HMCN1: variants seen among roughly 807,000 people sequenced by gnomAD.
HMCN1 encodes the protein hemicentin-1.
HMCN1 carries 321 observed loss-of-function variants against 625.9 expected under a neutral mutation model. The ratio of observed to expected loss-of-function variants is 0.51; its 90% CI spans 0.47 to 0.56. The LOEUF (loss-of-function observed/expected upper bound fraction) is 0.56. Among genes scored for constraint, HMCN1 ranks in the 20% least tolerant of loss-of-function variants. The pLI, the probability that HMCN1 is intolerant of heterozygous loss-of-function variation, is 0.00. For synonymous variants in HMCN1, 2,425 were observed against 2,417.6 expected (o/e 1.00, Z -0.09); for missense variants, 6,588 against 6,887.3 (o/e 0.96, Z 1.54).
chr1:185,933,921 T>A, intron 11 of HMCN1, 97 bp downstream of exon 11: 124 of 862,388 alleles, frequency 1.4e-4, no homozygotes, highest in Middle Eastern at 2.2e-4. Flanking sequence ...AGTGAGAGTA[T>A]CTACCCAAAT....
At chr1:185,870,565 T>A (rs1663548445) in intron 4 of HMCN1, among the ~76,000 whole-genome samples, 1 of 152,178 alleles carries the variant, frequency 6.6e-6, no homozygotes, top group Non-Finnish European at 1.5e-5. Context: ...TTTTATTTTT[T>A]AAATTTTTGT....
intron 4 of HMCN1, among the ~76,000 whole-genome samples, chr1:185,876,691 G>A (rs749860948): frequency 6.6e-6 from 1 of 151,760 alleles, no homozygotes; most frequent in Non-Finnish European, 1.5e-5. Context: ...TCATATGTTT[G>A]TTGGCCATTT....
Position 186,103,478 on chromosome 1 carries a change from C to T in HMCN1, c.10580C>T (p.Pro3527Leu), listed in dbSNP as rs1251090371. ...KHFILKVLEP[P>L]HINGSEEHEE... ...TTTGATTCCCTTTAAATAGAACCACCTCACATTAATGGATCTGAAGAACAT... is the reference window on the plus strand; with the variant it reads ...TTTGATTCCCTTTAAATAGAACCACTTCACATTAATGGATCTGAAGAACAT... The change falls in exon 69 of 107, where the codon CCT becomes CTT. Residue 3527 changes from proline to leucine, a missense_variant. This residue lies in a region of HMCN1 where 4,628 missense variants were observed against 4,853.1 expected (regional missense o/e 0.95). Transcript: ENST00000271588. 2 of 1,611,632 alleles carry T rather than the reference C, an allele frequency of 1.2e-6. No individual in the cohort carries two copies. Among genetic ancestry groups the T allele is most frequent in the African/African-American group, 2.7e-5 (2 of 74,800 alleles).
chr1:185,799,582 A>G (rs1281267820), intron 1 of HMCN1, among the ~76,000 whole-genome samples: 1 of 152,124 alleles, frequency 6.6e-6, no homozygotes, highest in Non-Finnish European at 1.5e-5. Flanking sequence ...TTGGTGTGGT[A>G]GCTTTCTAGC....
intron 2 of HMCN1, among the ~76,000 whole-genome samples, chr1:185,861,949 T>C (rs921024635): frequency 6.6e-5 from 10 of 152,312 alleles, no homozygotes; most frequent in East Asian, 3.9e-4. Flanking sequence ...TCAGTGAGCT[T>C]ATACAATAAT....
At chr1:186,012,798 A>G (rs1654089205) in intron 30 of HMCN1, among the ~76,000 whole-genome samples, 1 of 152,118 alleles carries the variant, frequency 6.6e-6, no homozygotes, top group Non-Finnish European at 1.5e-5. Context: ...TATGTTTTCT[A>G]ATTTTTCAAA....
At chr1:185,743,799 C>T (rs1654158745) in intron 1 of HMCN1, among the ~76,000 whole-genome samples, 1 of 152,120 alleles carries the variant, frequency 6.6e-6, no homozygotes, top group Non-Finnish European at 1.5e-5. Flanking sequence ...TTAAATAAAA[C>T]ATTATATGTG....
chr1:185,955,986 C>A (rs1216411072), intron 11 of HMCN1, among the ~76,000 whole-genome samples: 2 of 152,140 alleles, frequency 1.3e-5, no homozygotes, highest in South Asian at 4.1e-4. Flanking sequence ...TCATAAACCA[C>A]TGCCTTTCTG....
At chr1:186,088,551 A>G in intron 62 of HMCN1, 55 bp from the exon 63 acceptor site, 1 of 1,563,058 alleles carries the variant, frequency 6.4e-7, no homozygotes, top group Non-Finnish European at 8.7e-7. Flanking sequence ...AATTTTAGAG[A>G]TGTTAAAGTT....
chr1:186,134,680 AT>A (rs1649487230), intron 86 of HMCN1, among the ~76,000 whole-genome samples: 1 of 152,182 alleles, frequency 6.6e-6, no homozygotes, highest in East Asian at 1.9e-4. Context: ...AACAAAACAC[AT>A]TTTTGTTCTA....
In HMCN1 at chr1:185,734,753, G is replaced by C; in HGVS notation, c.-27G>C. 5.6e-6 allele frequency: 9 copies of C among 1,612,998 alleles called. No homozygotes were observed. The highest frequency in any genetic ancestry group is 7.6e-6 in the Non-Finnish European group (9 of 1,179,346). ...TGAGCACAGTGCTTAGGCGCTGAGG[G>C]GGAAAAAGAGGGGGAAAAAAAAGAA... On this transcript the variant is annotated 5_prime_UTR_variant, in exon 1 of 107. Transcript: ENST00000271588.
At chr1:185,846,551 GAGA>G (rs755777812) in intron 2 of HMCN1, among the ~76,000 whole-genome samples, 1 of 152,200 alleles carries the variant, frequency 6.6e-6, no homozygotes, top group Non-Finnish European at 1.5e-5. Context: ...TTGGTTATTA[GAGA>G]AGATGAATCA....
At chr1:186,161,194 T>G (rs1371799546) in intron 97 of HMCN1, among the ~76,000 whole-genome samples, 2 of 150,100 alleles carry the variant, frequency 1.3e-5, no homozygotes, top group African/African-American at 4.9e-5. Context: ...TTGTCTCTTT[T>G]GATCTTTGTT....
intron 1 of HMCN1, among the ~76,000 whole-genome samples, chr1:185,813,055 A>G (rs1441069435): frequency 6.6e-6 from 1 of 152,150 alleles, no homozygotes; most frequent in Non-Finnish European, 1.5e-5. Context: ...TACTTGTTCA[A>G]CTTTTGTTCC....
intron 6 of HMCN1, among the ~76,000 whole-genome samples, chr1:185,912,652 G>T (rs971300555): frequency 1.3e-5 from 2 of 151,994 alleles, no homozygotes; most frequent in Non-Finnish European, 2.9e-5. Context: ...AACAGGAAAA[G>T]GTTGTTCGGC....
Position 186,067,974 on chromosome 1 carries a change from T to C in HMCN1, c.7846T>C (p.Leu2616=), listed in dbSNP as rs912844491. 4 of 1,613,700 alleles carry C rather than the reference T, an allele frequency of 2.5e-6. No individual in the cohort carries two copies. The highest frequency in any genetic ancestry group is 3.4e-6 in the Non-Finnish European group (4 of 1,179,782). The change falls in exon 50 of 107, where the codon TTA becomes CTA. Residue 2616 remains leucine, a synonymous_variant. Transcript: ENST00000271588. ...TITWFKDGTP[L]ESNRNIRILP... Reference sequence around the variant, plus strand: ...CACCTGGTTTAAGGATGGCACTCCTTTAGAATCTAACCGAAATATTCGTAT... The same window carrying C: ...CACCTGGTTTAAGGATGGCACTCCTCTAGAATCTAACCGAAATATTCGTAT...
chr1:186,186,049 A>G (rs1387288863), intron 105 of HMCN1, among the ~76,000 whole-genome samples: 4 of 152,184 alleles, frequency 2.6e-5, no homozygotes, highest in African/African-American at 4.8e-5. Flanking sequence ...TTGTTATGTT[A>G]ATGTGCTCAA....
rs1242230299 is a variant in HMCN1, at chr1:186,144,313, A to T, written c.14065A>T (p.Met4689Leu). The T allele has an allele frequency of 6.2e-7, 1 of 1,613,902 alleles. No homozygotes were observed. Among genetic ancestry groups the T allele is most frequent in the Non-Finnish European group, 8.5e-7 (1 of 1,179,998 alleles). Residue 4689 changes from methionine (M) to leucine (L), a missense_variant, in exon 90 of 107, where the codon ATG becomes TTG. This residue lies in a region of HMCN1 where 1,954 missense variants were observed against 2,013.1 expected (regional missense o/e 0.97). Coordinates refer to ENST00000271588, the MANE Select transcript of HMCN1 (RefSeq NM_031935.3). ...CTACTGTGATGGAGCAGAAACACAGATGCAAGTTTGCAATGAAAGAAATTG... is the reference window on the plus strand; with the variant it reads ...CTACTGTGATGGAGCAGAAACACAGTTGCAAGTTTGCAATGAAAGAAATTG... ...GSYCDGAETQ[M>L]QVCNERNCPI...
chr1:186,034,391 A>G (rs1297377750), intron 36 of HMCN1, among the ~76,000 whole-genome samples: 1 of 152,216 alleles, frequency 6.6e-6, no homozygotes, highest in Non-Finnish European at 1.5e-5. Flanking sequence ...TTGTTTCAGA[A>G]GCATAAGGAA....
Sources: gnomAD v4.1 joint callset for allele counts (sites outside exome capture counted in the v4.1 genomes callset) on GRCh38, gnomAD v4.1.1 for gene constraint, gnomAD v4.1.1 regional missense constraint, MANE v1.5 for transcripts, NCBI Gene and HGNC (gene_info 2026-07-23, HGNC 2026-07-21) for gene names.